The following CA10 variants were observed in gnomAD, a reference collection of about 807,000 sequenced individuals.
CA10 encodes carbonic anhydrase-related protein 10.
CA10 carries 14 observed loss-of-function variants against 44.2 expected under a neutral mutation model. The observed-to-expected ratio is 0.32, with a 90% CI of 0.21 to 0.50. The LOEUF is 0.50. CA10 is among the 20% of genes least tolerant of loss of function. The pLI, the probability that CA10 is intolerant of heterozygous loss-of-function variation, is 0.99. For synonymous variants in CA10, 159 were observed against 141.6 expected (o/e 1.12, Z -0.87); for missense variants, 350 against 409.7 (o/e 0.85, Z 1.26).
chr17:51,687,332 C>T (rs1305144901), intron 4 of CA10, among the ~76,000 whole-genome samples: 2 of 152,182 alleles, frequency 1.3e-5, no homozygotes, highest in Non-Finnish European at 2.9e-5. Context: ...ATCAATTAGT[C>T]ATTTATCACC....
chr17:52,155,094 C>T (rs1989777593), intron 1 of CA10, among the ~76,000 whole-genome samples: 1 of 152,206 alleles, frequency 6.6e-6, no homozygotes, highest in Non-Finnish European at 1.5e-5. Flanking sequence ...CATTTTCCTT[C>T]TGTAAAGTGT....
At chr17:51,849,872 T>A (rs1245757350) in intron 3 of CA10, among the ~76,000 whole-genome samples, 1 of 152,132 alleles carries the variant, frequency 6.6e-6, no homozygotes, top group Non-Finnish European at 1.5e-5. Context: ...TTTGCATGAA[T>A]ACCCCATAAG....
chr17:52,133,478 A>G (rs1398727413), intron 1 of CA10, among the ~76,000 whole-genome samples: 1 of 152,202 alleles, frequency 6.6e-6, no homozygotes, highest in Admixed American at 6.5e-5. Context: ...GACTGGAAGA[A>G]GAGGCTTCAG....
At chr17:51,955,387 C>T (rs1454615045) in intron 2 of CA10, among the ~76,000 whole-genome samples, 1 of 152,114 alleles carries the variant, frequency 6.6e-6, no homozygotes, top group Non-Finnish European at 1.5e-5. Flanking sequence ...GCATAGCAAG[C>T]CAGGTGCTTT....
intron 2 of CA10, among the ~76,000 whole-genome samples, chr17:52,026,048 T>C (rs1489843664): frequency 1.3e-5 from 2 of 152,166 alleles, no homozygotes; most frequent in Non-Finnish European, 2.9e-5. Flanking sequence ...AAAATATCTT[T>C]TAAATTGAGA....
chr17:52,123,697 G>C (rs1989060840), intron 1 of CA10, among the ~76,000 whole-genome samples: 1 of 152,198 alleles, frequency 6.6e-6, no homozygotes, highest in African/African-American at 2.4e-5. Flanking sequence ...CTACTAGAAT[G>C]TAAGCTCTCT....
intron 4 of CA10, among the ~76,000 whole-genome samples, chr17:51,656,185 G>C (rs1048267353): frequency 1.3e-5 from 2 of 152,216 alleles, no homozygotes; most frequent in African/African-American, 4.8e-5. Flanking sequence ...AGTGCTTCCA[G>C]ACATGCCTTG....
At chr17:51,921,133 C>T (rs1270678973) in intron 3 of CA10, among the ~76,000 whole-genome samples, 1 of 152,140 alleles carries the variant, frequency 6.6e-6, no homozygotes, top group Non-Finnish European at 1.5e-5. Context: ...AGGATGGCTG[C>T]AAGCAAATAT....
intron 4 of CA10, among the ~76,000 whole-genome samples, chr17:51,739,819 G>C (rs1186340347): frequency 1.3e-5 from 2 of 152,150 alleles, no homozygotes; most frequent in East Asian, 1.9e-4. Context: ...CTTCTCGAAG[G>C]CCAGTTTGCT....
rs766036663 is a variant in CA10 at position 51,878,076 on chromosome 17, G to A, written c.279+52914C>T. ...GGAGAATTGCTTGAACCCAGAAGGCGGAGGTTACAGTGAGCCAAGATCGCA... is the reference window on the plus strand; with the variant it reads ...GGAGAATTGCTTGAACCCAGAAGGCAGAGGTTACAGTGAGCCAAGATCGCA... On this transcript the variant is annotated intron_variant, in intron 3 of 8. Coordinates refer to ENST00000451037, the MANE Select transcript of CA10 (RefSeq NM_020178.5). 6.1e-5 allele frequency among the ~76,000 whole-genome samples: 9 copies of A among 147,890 alleles called. No individual in the cohort carries two copies. The East Asian group carries it at 1.0e-3, about 16-fold the overall frequency.
rs4058505 is a variant in CA10 at position 51,649,878 on chromosome 17, G to GAAAAA, written c.562-629_562-625dup. 3.9e-3 allele frequency among the ~76,000 whole-genome samples: 559 copies of GAAAAA among 142,700 alleles called. 4 individuals carry two copies. The highest frequency in any genetic ancestry group is 5.8e-3 in the Non-Finnish European group (382 of 66,112). 93.6% of individuals were successfully genotyped at this position (142,700 alleles called of 152,430 possible). A position where few individuals can be genotyped will look rare whatever the true frequency, so the allele number is the denominator to read the frequency against. On this transcript the variant is annotated intron_variant, in intron 5 of 8. Transcript: ENST00000451037. ...CCCAGAATAGAGGTATAAGGAAATG[G>GAAAAA]AAAAAAAAAAAAACTGAAAAGTATC... is the stretch of plus-strand genomic sequence containing the variant.
chr17:52,029,859 G>C (rs78183716), intron 2 of CA10, among the ~76,000 whole-genome samples: 1 of 71,342 alleles, frequency 1.4e-5, no homozygotes, highest in Admixed American at 2.4e-4. Flanking sequence ...CTATGTAACT[G>C]AACTAAAAAG....
intron 3 of CA10, among the ~76,000 whole-genome samples, 191 bp from the exon 4 acceptor site, chr17:51,748,009 TA>T (rs1353954353): frequency 2.0e-5 from 3 of 152,214 alleles, no homozygotes; most frequent in African/African-American, 7.2e-5. Flanking sequence ...CTGTGAGGCA[TA>T]AACCACATGA....
At chr17:51,765,463 G>A (rs922282933) in intron 3 of CA10, among the ~76,000 whole-genome samples, 1 of 152,182 alleles carries the variant, frequency 6.6e-6, no homozygotes, top group Non-Finnish European at 1.5e-5. Flanking sequence ...GTCTTCCCAA[G>A]ATAATTATGG....
chr17:51,655,333 A>G (rs1913750326), intron 4 of CA10, among the ~76,000 whole-genome samples: 1 of 152,180 alleles, frequency 6.6e-6, no homozygotes, highest in South Asian at 2.1e-4. Flanking sequence ...AGCATTTTCC[A>G]CAGGCTGATT....
At chr17:51,729,525 G>A (rs1916644636) in intron 4 of CA10, among the ~76,000 whole-genome samples, 1 of 152,138 alleles carries the variant, frequency 6.6e-6, no homozygotes, top group Non-Finnish European at 1.5e-5. Flanking sequence ...AAGCCAATAG[G>A]CAACTGTGAC....
At chr17:52,026,801 T>A (rs9892905) in intron 2 of CA10, among the ~76,000 whole-genome samples, 56,922 of 151,732 alleles carry the variant, frequency 0.38, 12,779 homozygotes, top group East Asian at 0.74. Flanking sequence ...TCCCACAACA[T>A]ATGGGGATTA....
intron 2 of CA10, among the ~76,000 whole-genome samples, chr17:52,034,640 T>C (rs1009034229): frequency 6.6e-6 from 1 of 152,092 alleles, no homozygotes; most frequent in African/African-American, 2.4e-5. Flanking sequence ...CCAGTCCAGC[T>C]CAACCACTTC....
chr17:51,990,326 G>C (rs936554933), intron 2 of CA10, among the ~76,000 whole-genome samples: 1 of 152,062 alleles, frequency 6.6e-6, no homozygotes, highest in South Asian at 2.1e-4. Context: ...CAGAACACCT[G>C]CCAGGTGCTA....
Sources: gnomAD v4.1 joint callset for allele counts (sites outside exome capture counted in the v4.1 genomes callset) on GRCh38, gnomAD v4.1.1 for gene constraint, MANE v1.5 for transcripts, NCBI Gene and HGNC (gene_info 2026-07-23, HGNC 2026-07-21) for gene names.